Variants in ZNF83 observed in about 807,000 individuals in gnomAD.
The protein encoded by ZNF83 is zinc finger protein 83.
For missense variants in ZNF83, 552 were observed against 629.9 expected (o/e 0.88, Z 1.32); for synonymous variants, 209 against 213.0 (o/e 0.98, Z 0.17).
chr19:52,678,633 G>T (rs919503761), intron 1 of ZNF83, among the ~76,000 whole-genome samples: 7 of 151,892 alleles, frequency 4.6e-5, no homozygotes, highest in Middle Eastern at 3.4e-3. Context: ...CAAATGCCAG[G>T]CCCTCATATC....
intron 2 of ZNF83, chr19:52,655,739 C>G (rs3745106): frequency 0.48 from 356,819 of 736,402 alleles, 90,395 homozygotes; most frequent in East Asian, 0.74. Context: ...TCATTACCTT[C>G]ACACAAAATG....
chr19:52,613,811 G>A lies in ZNF83; in HGVS notation c.754C>T (p.Leu252=), dbSNP rs745880800. The change falls in exon 3 of 3, where the codon CTG becomes TTG. Residue 252 remains leucine (L), a synonymous_variant. Coordinates refer to ENST00000301096, the Ensembl canonical transcript of ZNF83. ...GGTTTCTCTCCAGTATGAATGATCA[G>A]ATGTTGTACAAGGTAGGAATTGCGA... The A allele has an allele frequency of 1.3e-5, 21 of 1,613,816 alleles. No individual in the cohort carries two copies. The South Asian group carries it at 1.8e-4, about 14-fold the overall frequency.
At chr19:52,674,706 G>A (rs1027970199) in intron 1 of ZNF83, among the ~76,000 whole-genome samples, 12 of 152,100 alleles carry the variant, frequency 7.9e-5, no homozygotes, top group African/African-American at 2.9e-4. Context: ...AGGAATAAAC[G>A]TAAAAATGCG....
chr19:52,687,465 AATT>A (rs1451190741), intron 1 of ZNF83, among the ~76,000 whole-genome samples: 1 of 90,012 alleles, frequency 1.1e-5, no homozygotes, highest in Non-Finnish European at 2.1e-5. Flanking sequence ...TATAAATTAT[AATT>A]TATATATCTA....
intron 1 of ZNF83, among the ~76,000 whole-genome samples, chr19:52,670,361 G>A (rs986973508): frequency 2.6e-5 from 4 of 152,138 alleles, no homozygotes; most frequent in Non-Finnish European, 4.4e-5. Context: ...GCCAATAGGG[G>A]AATGACACAG....
At chr19:52,666,195 CAAAGAGAGAGAGAG>C (rs1394321122) in intron 1 of ZNF83, among the ~76,000 whole-genome samples, 1 of 142,350 alleles carries the variant, frequency 7.0e-6, no homozygotes, top group Admixed American at 7.0e-5. Context: ...GACAGAGAGT[CAAAGAGAGAGAGAG>C]AAAGAGACAG....
At chr19:52,619,219 T>TTGA (rs1568533514) in intron 2 of ZNF83, among the ~76,000 whole-genome samples, 18 of 151,854 alleles carry the variant, frequency 1.2e-4, no homozygotes, top group African/African-American at 3.2e-4. Context: ...CCCAGTGGTG[T>TTGA]TTGATTATAC....
In ZNF83 at chr19:52,686,014, A is replaced by G. The variant is rs1568586910; in HGVS notation, c.-283+4429T>C. ...AACGCACCAGAGGGCCTTGAGGGAAACATGAACTTAATAGCTCCCAGCTCA... is the reference window on the plus strand; with the variant it reads ...AACGCACCAGAGGGCCTTGAGGGAAGCATGAACTTAATAGCTCCCAGCTCA... On this transcript the variant is annotated intron_variant, in intron 1 of 5. Transcript: ENST00000594682. Among the ~76,000 whole-genome samples, 4 of 152,148 alleles carry G rather than the reference A, an allele frequency of 2.6e-5. No homozygotes were observed. In the South Asian group the frequency reaches 6.2e-4, roughly 24 times the overall value.
intron 2 of ZNF83, among the ~76,000 whole-genome samples, chr19:52,656,008 C>T (rs758017066): frequency 1.3e-5 from 2 of 151,632 alleles, no homozygotes; most frequent in East Asian, 3.9e-4. Context: ...CTCAGGAGTT[C>T]GAGACCACCC....
intron 2 of ZNF83, 106 bp downstream of exon 2, chr19:52,634,960 C>G: frequency 1.5e-6 from 1 of 654,898 alleles, no homozygotes; most frequent in Non-Finnish European, 2.6e-6. Flanking sequence ...GTGAGCAAAC[C>G]TGTCAGGCAG....
chr19:52,658,684 G>A (rs769363468), intron 2 of ZNF83, among the ~76,000 whole-genome samples: 21 of 152,150 alleles, frequency 1.4e-4, no homozygotes, highest in African/African-American at 4.1e-4. Context: ...GAAGGCACCC[G>A]GTTCTTACCT....
At chr19:52,615,358 G>A (rs2147058709) in intron 2 of ZNF83, among the ~76,000 whole-genome samples, 1 of 152,096 alleles carries the variant, frequency 6.6e-6, no homozygotes, top group South Asian at 2.1e-4. Context: ...AAGGGAGGAA[G>A]CTCTCATGAA....
At chr19:52,673,365 T>G (rs1214455497) in intron 1 of ZNF83, among the ~76,000 whole-genome samples, 1 of 151,620 alleles carries the variant, frequency 6.6e-6, no homozygotes, top group Non-Finnish European at 1.5e-5. Context: ...TAGCCGAGGG[T>G]GATGGCGCAT....
chr19:52,633,938 C>T (rs2061057848), intron 2 of ZNF83, among the ~76,000 whole-genome samples: 1 of 152,006 alleles, frequency 6.6e-6, no homozygotes, highest in Non-Finnish European at 1.5e-5. Context: ...CAAATATATA[C>T]ATCATGTGAT....
At position 52,674,810 on chromosome 19, in the gene ZNF83, G is replaced by A. The variant is rs149253203; in HGVS notation, c.-282-13967C>T. Among the ~76,000 whole-genome samples the A allele has an allele frequency of 1.2e-4, 18 of 152,240 alleles. No homozygotes were observed. In the South Asian group the frequency reaches 2.3e-3, roughly 19 times the overall value. On this transcript the variant is annotated intron_variant, in intron 1 of 5. Coordinates refer to the ZNF83 transcript ENST00000594682. ...TTGATAGATTGGAAAACTTAATCTC[G>A]TTAAATGATTATACAACCCAAGATG...
chr19:52,685,930 A>C (rs1213736705), intron 1 of ZNF83, among the ~76,000 whole-genome samples: 1 of 150,330 alleles, frequency 6.7e-6, no homozygotes, highest in African/African-American at 2.4e-5. Context: ...AAAAAAATAC[A>C]GGAGTGCTTC....
intron 2 of ZNF83, among the ~76,000 whole-genome samples, chr19:52,621,518 C>T (rs2060544930): frequency 6.6e-6 from 1 of 152,170 alleles, no homozygotes; most frequent in South Asian, 2.1e-4. Context: ...TCAATCACCA[C>T]AGGGACACCT....
intron 1 of ZNF83, among the ~76,000 whole-genome samples, chr19:52,684,743 T>C (rs1280179689): frequency 6.6e-6 from 1 of 151,650 alleles, no homozygotes. Context: ...TTTAGGGACA[T>C]AGGGTAAGAG....
At chr19:52,654,164 G>C in intron 3 of ZNF83, 1 of 1,603,894 alleles carries the variant, frequency 6.2e-7, no homozygotes, top group Non-Finnish European at 8.5e-7. Flanking sequence ...GCATGCCTTT[G>C]ATCACGTCGG....
Sources: gnomAD v4.1 joint callset for allele counts (sites outside exome capture counted in the v4.1 genomes callset) on GRCh38, gnomAD v4.1.1 for gene constraint, MANE v1.5 for transcripts, NCBI Gene and HGNC (gene_info 2026-07-23, HGNC 2026-07-21) for gene names.